ZNF407: variants seen among roughly 807,000 people sequenced by gnomAD.
ZNF407 encodes the protein zinc finger protein 407.
A neutral mutation model predicts 131.2 loss-of-function variants in ZNF407; 17 were observed. That is an observed-to-expected ratio of 0.13 (90% CI 0.09 to 0.19). ZNF407 has a LOEUF of 0.19. Ranked by LOEUF, ZNF407 falls within the 10% of genes least tolerant of loss-of-function variation. The probability of loss-of-function intolerance (pLI) is 1.00; values close to 1 mark genes in which losing one functional copy is unlikely to be tolerated. For synonymous variants in ZNF407, 1,156 were observed against 1,062.0 expected (o/e 1.09, Z -1.72); for missense variants, 2,681 against 2,830.6 (o/e 0.95, Z 1.20).
intron 6 of ZNF407, among the ~76,000 whole-genome samples, chr18:74,886,566 G>A (rs993893659): frequency 2.0e-5 from 3 of 152,184 alleles, no homozygotes; most frequent in African/African-American, 7.2e-5. Flanking sequence ...ACTCTGCAAC[G>A]AAAATAAGTG....
At chr18:74,985,636 G>A (rs1972643908) in intron 8 of ZNF407, among the ~76,000 whole-genome samples, 1 of 152,198 alleles carries the variant, frequency 6.6e-6, no homozygotes, top group Non-Finnish European at 1.5e-5. Context: ...CATTCTGGAG[G>A]CCTTTAGAGA....
intron 4 of ZNF407, among the ~76,000 whole-genome samples, chr18:74,825,361 GAAAT>G (rs1449325348): frequency 6.6e-6 from 1 of 152,090 alleles, no homozygotes; most frequent in Non-Finnish European, 1.5e-5. Context: ...GCAAGGGAAA[GAAAT>G]AAAGTGTATT....
chr18:74,916,646 G>A (rs868249900), intron 7 of ZNF407, among the ~76,000 whole-genome samples: 1 of 136,978 alleles, frequency 7.3e-6, no homozygotes, highest in African/African-American at 3.0e-5. Flanking sequence ...GTGTGTGTGT[G>A]TGTGTGCATG....
intron 1 of ZNF407, among the ~76,000 whole-genome samples, chr18:74,605,553 T>C (rs1480477705): frequency 2.0e-5 from 3 of 152,010 alleles, no homozygotes; most frequent in African/African-American, 4.8e-5. Context: ...AAATAAAAAA[T>C]TAAAAAATCA....
In ZNF407 at chr18:74,753,955, T is replaced by C. The variant is rs927488549; in HGVS notation, c.4803-27473T>C. 5.8e-4 allele frequency among the ~76,000 whole-genome samples: 88 copies of C among 150,950 alleles called. 1 individual carries two copies. The highest frequency in any genetic ancestry group is 1.9e-3 in the African/African-American group (79 of 41,398). On this transcript the variant is annotated intron_variant, in intron 3 of 8. Coordinates refer to ENST00000299687, the MANE Select transcript of ZNF407 (RefSeq NM_017757.3). ...GATAACAGCTCCTCTTTGTAGAATT[T>C]GGCTGTGAATCCGTCTGGTCCTGAC...
At chr18:75,013,070 A>G (rs974886153) in intron 8 of ZNF407, among the ~76,000 whole-genome samples, 1 of 151,968 alleles carries the variant, frequency 6.6e-6, no homozygotes, top group Non-Finnish European at 1.5e-5. Context: ...AGAGTTTGAA[A>G]CTTTTTTCCT....
At chr18:74,844,144 A>G (rs568460331) in intron 4 of ZNF407, among the ~76,000 whole-genome samples, 2 of 152,000 alleles carry the variant, frequency 1.3e-5, no homozygotes, top group Non-Finnish European at 2.9e-5. Flanking sequence ...GCTCCTCTAC[A>G]TGCTTGCTGA....
At chr18:74,949,164 T>C (rs1222531162) in intron 8 of ZNF407, among the ~76,000 whole-genome samples, 4 of 152,238 alleles carry the variant, frequency 2.6e-5, no homozygotes, top group African/African-American at 9.6e-5. Flanking sequence ...GGTACATTTC[T>C]TTCTGACAAA....
chr18:75,028,246 T>C (rs1973194699), intron 8 of ZNF407, among the ~76,000 whole-genome samples: 1 of 152,182 alleles, frequency 6.6e-6, no homozygotes, highest in Non-Finnish European at 1.5e-5. Flanking sequence ...TATTTTCTCA[T>C]CGTTTCGGAG....
intron 3 of ZNF407, among the ~76,000 whole-genome samples, chr18:74,779,107 A>ATT (rs1164567395): frequency 8.5e-5 from 2 of 23,554 alleles, no homozygotes; most frequent in African/African-American, 2.2e-4. Context: ...ATATATATAT[A>ATT]TATTTTTTTT....
chr18:74,877,372 C>T lies in ZNF407; in HGVS notation c.5044+9C>T, dbSNP rs541995008. On this transcript the variant is annotated intron_variant, in intron 5 of 8. Transcript: ENST00000299687. ...CTACAGGACGCACACAGGTGTGCCG[C>T]GCCGCCTTCCTATCCCAGGAGGCTG... 138 of 1,609,582 alleles carry T rather than the reference C, an allele frequency of 8.6e-5. No individual in the cohort carries two copies. Among genetic ancestry groups the T allele is most frequent in the South Asian group, 1.5e-4 (14 of 90,980 alleles).
intron 8 of ZNF407, among the ~76,000 whole-genome samples, chr18:75,013,427 CCT>C (rs1973006675): frequency 6.6e-6 from 1 of 152,068 alleles, no homozygotes; most frequent in Admixed American, 6.6e-5. Flanking sequence ...TTGGGGCACA[CCT>C]CTTTCTTTCT....
At chr18:74,696,041 A>C (rs1442691235) in intron 3 of ZNF407, among the ~76,000 whole-genome samples, 1 of 152,160 alleles carries the variant, frequency 6.6e-6, no homozygotes, top group Non-Finnish European at 1.5e-5. Flanking sequence ...GTTTTCCTGG[A>C]GAATAGAGTG....
chr18:74,862,176 A>G (rs1184189051), intron 4 of ZNF407, among the ~76,000 whole-genome samples: 2 of 152,240 alleles, frequency 1.3e-5, no homozygotes, highest in Non-Finnish European at 2.9e-5. Flanking sequence ...GTTAACTACA[A>G]ATAATGGATG....
intron 3 of ZNF407, among the ~76,000 whole-genome samples, chr18:74,697,425 A>G (rs1967384665): frequency 6.6e-6 from 1 of 152,330 alleles, no homozygotes; most frequent in South Asian, 2.1e-4. Context: ...ACTGCTTTAT[A>G]GAGAAAGTGA....
At chr18:74,947,076 C>G (rs1972161512) in intron 8 of ZNF407, among the ~76,000 whole-genome samples, 1 of 152,126 alleles carries the variant, frequency 6.6e-6, no homozygotes, top group Non-Finnish European at 1.5e-5. Flanking sequence ...GTGGAGAAAC[C>G]TAACAGATGA....
In ZNF407 at chr18:74,632,801, A is replaced by T. The variant is rs1984195694; in HGVS notation, c.1782A>T (p.Ser594=). ...TASVLSCQCC[S]FISLDEINLR... is the part of the protein sequence containing the mutation. ...CTGTCCTGAGTTGTCAGTGTTGTTC[A>T]TTTATATCCTTGGATGAAATAAATC... The change falls in exon 2 of 9, where the codon TCA becomes TCT. Residue 594 remains serine (S), a synonymous_variant. Coordinates refer to ENST00000299687, the MANE Select transcript of ZNF407 (RefSeq NM_017757.3). 6.2e-7 allele frequency: 1 copy of T among 1,613,904 alleles called. No homozygotes were observed. Among genetic ancestry groups the T allele is most frequent in the Admixed American group, 1.7e-5 (1 of 60,002 alleles).
chr18:74,972,503 C>CT (rs1280314067), intron 8 of ZNF407, among the ~76,000 whole-genome samples: 1 of 152,194 alleles, frequency 6.6e-6, no homozygotes, highest in African/African-American at 2.4e-5. Context: ...TCAGCCCTTT[C>CT]TTTCACTCCC....
chr18:74,808,505 T>C (rs1028494404), intron 4 of ZNF407, among the ~76,000 whole-genome samples: 1 of 152,240 alleles, frequency 6.6e-6, no homozygotes, highest in African/African-American at 2.4e-5. Flanking sequence ...TTTAAAATTT[T>C]TAAATTTCAA....
Sources: gnomAD v4.1 joint callset for allele counts (sites outside exome capture counted in the v4.1 genomes callset) on GRCh38, gnomAD v4.1.1 for gene constraint, MANE v1.5 for transcripts, NCBI Gene and HGNC (gene_info 2026-07-23, HGNC 2026-07-21) for gene names.